Variants in ANK3 observed in about 807,000 individuals in gnomAD.
ANK3 encodes ankyrin-3.
Under a neutral mutation model 370.9 loss-of-function variants are expected in ANK3, and 57 were observed. That is an observed-to-expected ratio of 0.15 (90% CI 0.12 to 0.19). The LOEUF (loss-of-function observed/expected upper bound fraction) is 0.19, where lower values mean the gene tolerates loss of function less well. Ranked by LOEUF, ANK3 falls within the 10% of genes least tolerant of loss-of-function variation. ANK3 has a pLI of 1.00. For missense variants in ANK3, 4,439 were observed against 5,302.1 expected, an observed-to-expected ratio of 0.84 and a Z score of 5.06; for synonymous variants, 1,929 against 1,946.3, an observed-to-expected ratio of 0.99 and a Z score of 0.23.
At chr10:60,222,659 A>G (rs1006906168) in intron 8 of ANK3, among the ~76,000 whole-genome samples, 2 of 152,130 alleles carry the variant, frequency 1.3e-5, no homozygotes, top group African/African-American at 4.8e-5. Context: ...TTAGCATTCA[A>G]AGTCGTCTAA....
rs751833275 is a variant in ANK3 at position 60,181,385 on chromosome 10, C to G, written c.2128G>C (p.Val710Leu). ...TTTACGAGGACTTCTGCCACATTCA[C>G]TCGATCTTCTTGAGCAGCCAAATGG... The part of the protein sequence containing the change: ...PLHLAAQEDR[V>L]NVAEVLVNQG... Residue 710 changes from valine to leucine, a missense_variant, in exon 18 of 44, where the codon GTG becomes CTG. Physicochemically the swap from Val to Leu is conservative, Grantham distance 32 (BLOSUM62 1). Coordinates refer to ENST00000280772, the MANE Select transcript of ANK3 (RefSeq NM_020987.5). 116 of 1,614,090 alleles carry G rather than the reference C, an allele frequency of 7.2e-5. No homozygotes were observed. The highest frequency in any genetic ancestry group is 9.3e-5 in the Non-Finnish European group (110 of 1,180,036).
chr10:60,226,802 A>G (rs113008117), intron 8 of ANK3, among the ~76,000 whole-genome samples: 6,921 of 147,388 alleles, frequency 0.047, 538 homozygotes, highest in African/African-American at 0.16. Context: ...TATGTATAAC[A>G]AGAATTCTGC....
chr10:60,443,156 A>G (rs998242395), intron 2 of ANK3, among the ~76,000 whole-genome samples: 1 of 152,198 alleles, frequency 6.6e-6, no homozygotes, highest in East Asian at 1.9e-4. Context: ...AAAAGTATTT[A>G]TTGTATATCT....
chr10:60,131,782 T>C (rs1436051331), intron 25 of ANK3, among the ~76,000 whole-genome samples: 1 of 152,138 alleles, frequency 6.6e-6, no homozygotes, highest in Non-Finnish European at 1.5e-5. Context: ...GTGGTGGTGG[T>C]AGCAGTGGTG....
intron 1 of ANK3, among the ~76,000 whole-genome samples, chr10:60,361,006 C>T (rs116946203): frequency 0.033 from 5,004 of 152,126 alleles, 117 homozygotes; most frequent in Non-Finnish European, 0.051. Flanking sequence ...AAACAATAGA[C>T]CAGATAGATT....
intron 23 of ANK3, among the ~76,000 whole-genome samples, chr10:60,151,205 A>G (rs1316793942): frequency 6.6e-6 from 1 of 152,124 alleles, no homozygotes. Flanking sequence ...TGCTTTTCAC[A>G]TATGTCATTA....
chr10:60,537,075 A>T (rs1234435841), intron 2 of ANK3, among the ~76,000 whole-genome samples: 1 of 152,048 alleles, frequency 6.6e-6, no homozygotes, highest in Non-Finnish European at 1.5e-5. Flanking sequence ...ACGGGAAAAA[A>T]ATGTCAAAAA....
chr10:60,175,201 C>A (rs1425695992), intron 18 of ANK3, among the ~76,000 whole-genome samples: 1 of 152,190 alleles, frequency 6.6e-6, no homozygotes, highest in Non-Finnish European at 1.5e-5. Context: ...TCGCTGTGCT[C>A]CAGGACACTG....
At chr10:60,392,398 C>T (rs1302048584), upstream of ANK3, among the ~76,000 whole-genome samples, 4 of 152,186 alleles carry the variant, frequency 2.6e-5, no homozygotes, top group East Asian at 5.8e-4. Context: ...TACAACCAAT[C>T]GTCCAACTGG....
At chr10:60,434,381 C>A (rs541649572) in intron 2 of ANK3, among the ~76,000 whole-genome samples, 1 of 152,242 alleles carries the variant, frequency 6.6e-6, no homozygotes, top group African/African-American at 2.4e-5. Flanking sequence ...GCATTTAAAT[C>A]AAATCACACA....
chr10:60,615,383 T>C (rs1159687451), intron 1 of ANK3, among the ~76,000 whole-genome samples: 2 of 148,156 alleles, frequency 1.3e-5, no homozygotes, highest in African/African-American at 4.9e-5. Flanking sequence ...TAAGATGAAT[T>C]CTAGTTTAAA....
chr10:60,173,232 T>C (rs774941600), intron 18 of ANK3, 46 bp from the exon 19 acceptor site: 6 of 1,443,016 alleles, frequency 4.2e-6, no homozygotes, highest in Non-Finnish European at 5.8e-6. Context: ...AATTACACTT[T>C]TACTAACAGC....
rs765118960 is a variant in ANK3, at chr10:60,172,955, G to A, written c.2327C>T (p.Thr776Met). Residue 776 changes from threonine to methionine, a missense_variant, in exon 20 of 44, where the codon ACG (threonine) becomes ATG (methionine). Coordinates refer to ENST00000280772, the MANE Select transcript of ANK3 (RefSeq NM_020987.5). ...CTGAAGTAAGACATTTATTATATGC[G>A]TATGCCCCTGCTGTGCTGCTTGATG... ...PLHQAAQQGH[T>M]HIINVLLQNN... 1.9e-6 allele frequency: 3 copies of A among 1,613,840 alleles called. No individual in the cohort carries two copies. The highest frequency in any genetic ancestry group is 2.2e-5 in the East Asian group (1 of 44,842).
intron 1 of ANK3, among the ~76,000 whole-genome samples, chr10:60,337,651 TTGCCCCAAACCAGAAG>T (rs2053322216): frequency 6.6e-6 from 1 of 152,162 alleles, no homozygotes; most frequent in African/African-American, 2.4e-5. Context: ...AGCATGCAGC[TTGCCCCAAACCAGAAG>T]TGCCTGATTC....
In ANK3 at chr10:60,074,920, A is replaced by G. The variant is rs2083447447; in HGVS notation, c.5961T>C (p.Asp1987=). ...CTTCCGAACTAAATTCTATCCAGTC[A>G]TCTTCAGGAGAGTGTCCTTTGTCAC... ...PKSDKGHSPE[D]DWIEFSSEEI... Residue 1987 remains aspartate (D), a synonymous_variant, in exon 37 of 44, where the codon GAT becomes GAC. Coordinates refer to ENST00000280772, the MANE Select transcript of ANK3 (RefSeq NM_020987.5). 7 of 1,614,104 alleles carry G rather than the reference A, an allele frequency of 4.3e-6. No homozygotes were observed. The highest frequency in any genetic ancestry group is 5.9e-6 in the Non-Finnish European group (7 of 1,180,014).
At chr10:60,628,685 A>G (rs928388167) in intron 1 of ANK3, among the ~76,000 whole-genome samples, 5 of 152,232 alleles carry the variant, frequency 3.3e-5, no homozygotes, top group African/African-American at 9.6e-5. Context: ...AGTTAAATAA[A>G]TAAATAAATA....
In ANK3 at chr10:60,139,840, C is replaced by G. The variant is rs563650483; in HGVS notation, c.2615-753G>C. The G allele has an allele frequency of 1.2e-4, 19 of 155,534 alleles. No individual in the cohort carries two copies. The South Asian group carries it at 3.7e-3, about 30-fold the overall frequency. The allele number at this position is 155,534 out of a possible 1,614,324, so 9.6% of individuals were successfully genotyped here. A position where few individuals can be genotyped will look rare whatever the true frequency, so the allele number is the denominator to read the frequency against. ...ACTTTTACCAGCTACGTATGCAAAA[C>G]ATGACATCATATGGAAAAACCACAT... is the stretch of plus-strand genomic sequence containing the variant. On this transcript the variant is annotated intron_variant, in intron 23 of 43. Coordinates refer to ENST00000280772, the MANE Select transcript of ANK3 (RefSeq NM_020987.5).
intron 18 of ANK3, among the ~76,000 whole-genome samples, chr10:60,176,393 A>T (rs978979081): frequency 6.6e-6 from 1 of 151,560 alleles, no homozygotes; most frequent in Non-Finnish European, 1.5e-5. Flanking sequence ...AAGAAAGAAA[A>T]AAAAACCAGA....
chr10:60,413,858 G>A (rs181909606), intron 2 of ANK3, among the ~76,000 whole-genome samples: 1 of 152,174 alleles, frequency 6.6e-6, no homozygotes, highest in Non-Finnish European at 1.5e-5. Flanking sequence ...TTAGCTGGGT[G>A]TGGTGGTGCT....
Sources: allele counts gnomAD v4.1 joint callset (sites outside exome capture counted in the v4.1 genomes callset), GRCh38; gene constraint gnomAD v4.1.1; transcripts MANE v1.5; gene names NCBI Gene and HGNC (gene_info 2026-07-23, HGNC 2026-07-21).